The following KIF26B variants were observed in gnomAD, a reference collection of about 807,000 sequenced individuals.
The protein encoded by KIF26B is kinesin family member 26B, also known as kinesin-like protein KIF26B.
A neutral mutation model predicts 151.2 loss-of-function variants in KIF26B; 63 were observed. That is an observed-to-expected ratio of 0.42 (90% CI 0.34 to 0.51). KIF26B has a LOEUF of 0.51. Ranked by LOEUF, KIF26B falls within the 20% of genes least tolerant of loss-of-function variation. The pLI is 0.07. For synonymous variants in KIF26B, 1,357 were observed against 1,262.1 expected, an observed-to-expected ratio of 1.08 and a Z score of -1.59; for missense variants, 2,813 against 2,913.6, an observed-to-expected ratio of 0.97 and a Z score of 0.79.
chr1:245,492,026 G>A (rs1660418500), intron 4 of KIF26B, among the ~76,000 whole-genome samples: 1 of 152,166 alleles, frequency 6.6e-6, no homozygotes, highest in South Asian at 2.1e-4. Context: ...ACTGTAAAAT[G>A]GAGACACAAG....
At position 245,541,245 on chromosome 1, in the gene KIF26B, T is replaced by C. The variant is rs190795008; in HGVS notation, c.1350+295T>C. The stretch of plus-strand genomic sequence containing the variant: ...AGAAAAGACACAAAGGCACAAAATA[T>C]CGAGGCAGGGGCAGGAGACCGAGGG... On this transcript the variant is annotated intron_variant, in intron 5 of 14. Transcript: ENST00000407071. Among the ~76,000 whole-genome samples, 329 of 152,138 alleles carry C rather than the reference T, an allele frequency of 2.2e-3. 1 individual carries two copies. The highest frequency in any genetic ancestry group is 7.6e-3 in the African/African-American group (317 of 41,496).
chr1:245,592,486 G>A (rs2043299374), intron 5 of KIF26B, among the ~76,000 whole-genome samples: 1 of 152,162 alleles, frequency 6.6e-6, no homozygotes, highest in Non-Finnish European at 1.5e-5. Flanking sequence ...GCAGTTATGG[G>A]GCAACCAAAT....
intron 2 of KIF26B, among the ~76,000 whole-genome samples, chr1:245,163,932 A>G (rs1668572650): frequency 6.6e-6 from 1 of 152,216 alleles, no homozygotes; most frequent in African/African-American, 2.4e-5. Flanking sequence ...TTCTTCAAAT[A>G]CAGATATCAT....
In KIF26B at chr1:245,679,457, GTTTTTTT is replaced by G. The variant is rs35663208; in HGVS notation, c.2259-4753_2259-4747del. Among the ~76,000 whole-genome samples the G allele has an allele frequency of 6.4e-3, 377 of 59,170 alleles. 2 individuals carry two copies. Among genetic ancestry groups the G allele is most frequent in the African/African-American group, 0.021 (352 of 16,788 alleles). The allele number at this position is 59,170 out of a possible 152,430, so 38.8% of individuals were successfully genotyped here. On this transcript the variant is annotated intron_variant, in intron 10 of 14. Coordinates refer to ENST00000407071, the MANE Select transcript of KIF26B (RefSeq NM_018012.4). ...GGTTTTTTGTGTTTTTTTTGTGTGT[GTTTTTTT>G]TTTTTTTTTTTTTTTTTTTTTTGAC...
At chr1:245,243,439 T>C (rs201801711) in intron 2 of KIF26B, among the ~76,000 whole-genome samples, 1 of 133,328 alleles carries the variant, frequency 7.5e-6, no homozygotes, top group African/African-American at 2.8e-5. Flanking sequence ...TACATACATA[T>C]ATATATATAC....
At chr1:245,279,959 C>T (rs1231934687) in intron 2 of KIF26B, among the ~76,000 whole-genome samples, 2 of 151,776 alleles carry the variant, frequency 1.3e-5, no homozygotes, top group African/African-American at 4.9e-5. Context: ...TAAATCACTC[C>T]GTTGAGTGAT....
At chr1:245,429,943 C>A (rs1328686548) in intron 4 of KIF26B, among the ~76,000 whole-genome samples, 1 of 152,032 alleles carries the variant, frequency 6.6e-6, no homozygotes, top group African/African-American at 2.4e-5. Context: ...CCTAGAAAAA[C>A]TGGTACCAAA....
At chr1:245,304,862 A>G (rs1671507558) in intron 2 of KIF26B, among the ~76,000 whole-genome samples, 2 of 151,988 alleles carry the variant, frequency 1.3e-5, no homozygotes, top group South Asian at 4.2e-4. Context: ...AGAACGAGAC[A>G]GACCCATCTT....
At chr1:245,245,319 C>A (rs1192327124) in intron 2 of KIF26B, among the ~76,000 whole-genome samples, 1 of 152,220 alleles carries the variant, frequency 6.6e-6, no homozygotes, top group South Asian at 2.1e-4. Flanking sequence ...ACTGCTGTCA[C>A]CCCTCGGCTG....
intron 3 of KIF26B, among the ~76,000 whole-genome samples, chr1:245,369,865 T>C (rs1673068366): frequency 6.6e-6 from 1 of 152,230 alleles, no homozygotes; most frequent in Non-Finnish European, 1.5e-5. Flanking sequence ...TAGAATCTTC[T>C]GGGATGTGTA....
chr1:245,637,071 T>C (rs1386049440), intron 9 of KIF26B, among the ~76,000 whole-genome samples: 1 of 152,148 alleles, frequency 6.6e-6, no homozygotes, highest in Non-Finnish European at 1.5e-5. Flanking sequence ...GTTCTACTTT[T>C]AAGTTTTTTG....
intron 2 of KIF26B, among the ~76,000 whole-genome samples, chr1:245,261,303 G>T (rs1435642859): frequency 6.6e-6 from 1 of 151,956 alleles, no homozygotes; most frequent in Non-Finnish European, 1.5e-5. Flanking sequence ...GGCTAATTTT[G>T]TATTTTTAGT....
intron 10 of KIF26B, among the ~76,000 whole-genome samples, chr1:245,650,219 C>T (rs924652524): frequency 1.3e-5 from 2 of 152,220 alleles, no homozygotes; most frequent in African/African-American, 4.8e-5. Context: ...TGCCCTCATT[C>T]GATCATTTTG....
chr1:245,236,218 C>T (rs1473636151), intron 2 of KIF26B, among the ~76,000 whole-genome samples: 2 of 152,048 alleles, frequency 1.3e-5, no homozygotes, highest in African/African-American at 4.8e-5. Flanking sequence ...GTGAGTGAGC[C>T]TCTGGCATCA....
At chr1:245,404,437 G>A (rs893747670) in intron 3 of KIF26B, among the ~76,000 whole-genome samples, 1 of 152,106 alleles carries the variant, frequency 6.6e-6, no homozygotes, top group Admixed American at 6.5e-5. Flanking sequence ...AGGTGTCAGG[G>A]AATGCCAATC....
At chr1:245,294,548 G>GT (rs1671306396) in intron 2 of KIF26B, among the ~76,000 whole-genome samples, 1 of 152,144 alleles carries the variant, frequency 6.6e-6, no homozygotes, top group African/African-American at 2.4e-5. Flanking sequence ...CAGGCTTTTG[G>GT]TTTTTTATCT....
chr1:245,659,237 C>T (rs960761213), intron 10 of KIF26B, among the ~76,000 whole-genome samples: 17 of 152,168 alleles, frequency 1.1e-4, no homozygotes, highest in Admixed American at 9.2e-4. Flanking sequence ...GACCCTGTCT[C>T]AAAAAAATAA....
At chr1:245,252,433 A>G (rs897468388) in intron 2 of KIF26B, among the ~76,000 whole-genome samples, 1 of 152,002 alleles carries the variant, frequency 6.6e-6, no homozygotes, top group Non-Finnish European at 1.5e-5. Flanking sequence ...CTTCTTAGGT[A>G]CTTTAGGGTT....
In KIF26B at chr1:245,304,517, G is replaced by A. The variant is rs140536538; in HGVS notation, c.466-62317G>A. ...TGCCTTCACTAACTTTGAGGAGGAA[G>A]TATCCCTTCTCTTTGGGTATCTCTG... On this transcript the variant is annotated intron_variant, in intron 2 of 14. Coordinates refer to ENST00000407071, the MANE Select transcript of KIF26B (RefSeq NM_018012.4). 4.1e-3 allele frequency among the ~76,000 whole-genome samples: 619 copies of A among 152,328 alleles called. 6 individuals are homozygous for A. Among genetic ancestry groups the A allele is most frequent in the African/African-American group, 0.014 (592 of 41,566 alleles).
Sources: gnomAD v4.1 joint callset for allele counts (sites outside exome capture counted in the v4.1 genomes callset) on GRCh38, gnomAD v4.1.1 for gene constraint, MANE v1.5 for transcripts, NCBI Gene and HGNC (gene_info 2026-07-23, HGNC 2026-07-21) for gene names.